The following DDAH1 variants were observed in gnomAD, a reference collection of about 807,000 sequenced individuals.
DDAH1 encodes the protein N(G),N(G)-dimethylarginine dimethylaminohydrolase 1.
In DDAH1, 19 loss-of-function variants were observed where a neutral mutation model predicts 28.8. The ratio of observed to expected loss-of-function variants is 0.66; its 90% CI spans 0.46 to 0.97. The LOEUF (loss-of-function observed/expected upper bound fraction) is 0.97, where lower values mean the gene tolerates loss of function less well. DDAH1 is among the 50% of genes least tolerant of loss of function. DDAH1 has a pLI of 0.00. For missense variants in DDAH1, 326 were observed against 375.9 expected, an observed-to-expected ratio of 0.87 and a Z score of 1.10; for synonymous variants, 153 against 154.4, an observed-to-expected ratio of 0.99 and a Z score of 0.07.
chr1:85,342,705 G>C (rs976417541), intron 4 of DDAH1, among the ~76,000 whole-genome samples: 4 of 152,156 alleles, frequency 2.6e-5, no homozygotes, highest in African/African-American at 9.7e-5. Context: ...TTTTGCACCT[G>C]TATGACAAAA....
At chr1:85,486,152 A>T (rs1368310716) in intron 2 of DDAH1, among the ~76,000 whole-genome samples, 1 of 152,190 alleles carries the variant, frequency 6.6e-6, no homozygotes, top group African/African-American at 2.4e-5. Flanking sequence ...GGTGATTTTC[A>T]TAGATATGGA....
intron 1 of DDAH1, among the ~76,000 whole-genome samples, chr1:85,379,915 C>G (rs914845677): frequency 6.6e-6 from 1 of 152,198 alleles, no homozygotes; most frequent in Non-Finnish European, 1.5e-5. Context: ...TCCCTGTTGC[C>G]TGAATGATTG....
intron 1 of DDAH1, among the ~76,000 whole-genome samples, chr1:85,525,257 C>A (rs1454070320): frequency 2.0e-5 from 3 of 151,740 alleles, no homozygotes; most frequent in African/African-American, 7.3e-5. Context: ...ATAAACTTGC[C>A]CTTAAATATA....
intron 2 of DDAH1, among the ~76,000 whole-genome samples, chr1:85,471,091 G>A (rs1403953): frequency 0.41 from 62,972 of 152,060 alleles, 14,120 homozygotes; most frequent in Middle Eastern, 0.55. Context: ...TGGTGAATGG[G>A]ATATACTTAC....
intron 1 of DDAH1, among the ~76,000 whole-genome samples, chr1:85,535,163 T>C (rs1658231036): frequency 6.6e-6 from 1 of 152,246 alleles, no homozygotes; most frequent in Non-Finnish European, 1.5e-5. Context: ...TTACAACATT[T>C]GAAATGAGAA....
At chr1:85,455,822 G>A (rs568742892) in intron 1 of DDAH1, among the ~76,000 whole-genome samples, 1 of 152,156 alleles carries the variant, frequency 6.6e-6, no homozygotes, top group Non-Finnish European at 1.5e-5. Context: ...TGCTATAAAT[G>A]GTTGAGTAAG....
chr1:85,434,059 G>A (rs1211860443), intron 1 of DDAH1, among the ~76,000 whole-genome samples: 9 of 152,060 alleles, frequency 5.9e-5, no homozygotes, highest in Admixed American at 2.0e-4. Flanking sequence ...TGTAATCAAA[G>A]TGATTGATTT....
chr1:85,387,444 C>G (rs1420655739), intron 1 of DDAH1, among the ~76,000 whole-genome samples: 1 of 152,168 alleles, frequency 6.6e-6, no homozygotes, highest in Non-Finnish European at 1.5e-5. Context: ...TTCCACAAAT[C>G]CCTAGGACAT....
intron 1 of DDAH1, among the ~76,000 whole-genome samples, chr1:85,506,817 G>C (rs1373119467): frequency 6.6e-6 from 1 of 152,200 alleles, no homozygotes; most frequent in Non-Finnish European, 1.5e-5. Flanking sequence ...TGATTTTTAG[G>C]AAGGTGCCTC....
At chr1:85,504,147 G>A (rs1656925136) in intron 1 of DDAH1, among the ~76,000 whole-genome samples, 1 of 152,160 alleles carries the variant, frequency 6.6e-6, no homozygotes, top group East Asian at 1.9e-4. Flanking sequence ...GACCCATTAG[G>A]AGCTGTCATA....
intron 1 of DDAH1, among the ~76,000 whole-genome samples, chr1:85,542,709 A>G (rs1202018148): frequency 6.6e-6 from 1 of 152,156 alleles, no homozygotes; most frequent in African/African-American, 2.4e-5. Context: ...TGTCCAACCC[A>G]AATACACTTT....
At chr1:85,523,457 G>A (rs1167566976) in intron 1 of DDAH1, among the ~76,000 whole-genome samples, 2 of 152,128 alleles carry the variant, frequency 1.3e-5, no homozygotes, top group East Asian at 1.9e-4. Flanking sequence ...CATCTTGGCT[G>A]GACTAATTCT....
chr1:85,547,934 TAGAC>T (rs1658675630), intron 1 of DDAH1, among the ~76,000 whole-genome samples: 1 of 152,196 alleles, frequency 6.6e-6, no homozygotes, highest in African/African-American at 2.4e-5. Context: ...GTTTTAAAAA[TAGAC>T]AGTCTATTTG....
At chr1:85,559,296 C>T (rs1158528410) in intron 1 of DDAH1, among the ~76,000 whole-genome samples, 2 of 152,140 alleles carry the variant, frequency 1.3e-5, no homozygotes, top group Non-Finnish European at 2.9e-5. Flanking sequence ...GAAAGTTATT[C>T]TAGACCTGCC....
At chr1:85,340,295 A>G (rs1276447246) in intron 4 of DDAH1, among the ~76,000 whole-genome samples, 1 of 152,208 alleles carries the variant, frequency 6.6e-6, no homozygotes, top group Non-Finnish European at 1.5e-5. Context: ...GAAATCCAGC[A>G]ACATTTGCCC....
intron 1 of DDAH1, among the ~76,000 whole-genome samples, chr1:85,529,773 A>T (rs1286877111): frequency 6.7e-6 from 1 of 148,542 alleles, no homozygotes; most frequent in Non-Finnish European, 1.5e-5. Context: ...TACTGGGCAC[A>T]TTTTCTGGTC....
At chr1:85,322,810 G>A (rs1419827006) in intron 5 of DDAH1, among the ~76,000 whole-genome samples, 2 of 152,132 alleles carry the variant, frequency 1.3e-5, no homozygotes, top group Non-Finnish European at 2.9e-5. Context: ...AGAGACAAAC[G>A]GCTGAATCAG....
At chr1:85,434,676 G>A (rs1363253270) in intron 1 of DDAH1, among the ~76,000 whole-genome samples, 2 of 152,082 alleles carry the variant, frequency 1.3e-5, no homozygotes, top group Non-Finnish European at 2.9e-5. Flanking sequence ...ACAGGAATTA[G>A]CCACCATGCC....
At chr1:85,387,339 C>T (rs1479606516) in intron 1 of DDAH1, among the ~76,000 whole-genome samples, 1 of 152,158 alleles carries the variant, frequency 6.6e-6, no homozygotes, top group Non-Finnish European at 1.5e-5. Flanking sequence ...TGATTATAGG[C>T]TGTTAGAAGC....
Sources: allele counts gnomAD v4.1 joint callset (sites outside exome capture counted in the v4.1 genomes callset), GRCh38; gene constraint gnomAD v4.1.1; transcripts MANE v1.5; gene names NCBI Gene and HGNC (gene_info 2026-07-23, HGNC 2026-07-21).